CDC34: variants seen among roughly 807,000 people sequenced by gnomAD.
The protein encoded by CDC34 is cell division cycle 34, ubiquitin conjugating enzyme.
In CDC34, 18 loss-of-function variants were observed where a neutral mutation model predicts 26.8. The ratio of observed to expected loss-of-function variants is 0.67; its 90% confidence interval spans 0.47 to 1.00. CDC34 has a LOEUF of 1.00. Among genes scored for constraint, CDC34 ranks in the 50% least tolerant of loss-of-function variants. The pLI, the probability that CDC34 is intolerant of heterozygous loss-of-function variation, is 0.00. For synonymous variants in CDC34, 178 were observed against 147.5 expected (o/e 1.21, Z -1.50); for missense variants, 280 against 334.5 (o/e 0.84, Z 1.27).
At chr19:532,558 G>C (rs1238664401) in intron 1 of CDC34, among the ~76,000 whole-genome samples, 1 of 152,170 alleles carries the variant, frequency 6.6e-6, no homozygotes, top group African/African-American at 2.4e-5. Flanking sequence ...CCCCGGAGGA[G>C]ACAAAGAGGC....
chr19:540,713 G>A (rs1600431239), intron 4 of CDC34, among the ~76,000 whole-genome samples: 1 of 106,086 alleles, frequency 9.4e-6, no homozygotes, highest in African/African-American at 3.4e-5. Flanking sequence ...TCCGGAGGCC[G>A]GGGTGGCCAG....
chr19:541,045 T>C (rs961337963), intron 4 of CDC34, among the ~76,000 whole-genome samples: 2 of 152,208 alleles, frequency 1.3e-5, no homozygotes, highest in Non-Finnish European at 2.9e-5. Context: ...ATCGTTATTT[T>C]CTCCCAGCTC....
chr19:532,133 G>T, intron 1 of CDC34, 25 bp downstream of exon 1: 3 of 1,475,510 alleles, frequency 2.0e-6, no homozygotes, highest in Non-Finnish European at 1.8e-6. Context: ...CCCCGCCCGG[G>T]TCCCGGAGCC....
In CDC34 at chr19:541,900, T is replaced by G. The variant is rs958234748; in HGVS notation, c.*348T>G. On this transcript the variant is annotated 3_prime_UTR_variant, in exon 5 of 5. Transcript: ENST00000215574. ...AGCCACGGGGGCGCTGCTGGGAACG[T>G]GGGCGGGGGGCCGTTTCCTGACACT... 6.7e-5 allele frequency: 12 copies of G among 178,352 alleles called. No homozygotes were observed. Among genetic ancestry groups the G allele is most frequent in the African/African-American group, 2.4e-4 (10 of 42,320 alleles). The allele number at this position is 178,352 out of a possible 1,614,324, so 11.0% of individuals were successfully genotyped here. A position where few individuals can be genotyped will look rare whatever the true frequency, so the allele number is the denominator to read the frequency against.
intron 1 of CDC34, among the ~76,000 whole-genome samples, chr19:533,640 G>C (rs1039403406): frequency 6.6e-6 from 1 of 152,270 alleles, no homozygotes; most frequent in Non-Finnish European, 1.5e-5. Flanking sequence ...TGTTCTGGAA[G>C]GAGGGGATGG....
chr19:536,050 G>T, intron 2 of CDC34, 127 bp downstream of exon 2: 5 of 1,097,144 alleles, frequency 4.6e-6, no homozygotes, highest in Non-Finnish European at 5.5e-6. Flanking sequence ...CCGGGACCCG[G>T]GGCGCTGGGA....
intron 1 of CDC34, among the ~76,000 whole-genome samples, chr19:535,283 C>T (rs1375974582): frequency 6.6e-6 from 1 of 152,274 alleles, no homozygotes; most frequent in African/African-American, 2.4e-5. Context: ...AGACCGGACA[C>T]CTGAGGGCAG....
intron 4 of CDC34, among the ~76,000 whole-genome samples, chr19:537,551 A>G (rs1421352926): frequency 4.0e-5 from 6 of 150,944 alleles, no homozygotes; most frequent in Non-Finnish European, 7.4e-5. Flanking sequence ...ACGGGGTTTC[A>G]GCGTGTTAGC....
At position 541,795 on chromosome 19, in the gene CDC34, C is replaced by T; in HGVS notation, c.*243C>T. 2.8e-6 allele frequency: 1 copy of T among 352,382 alleles called. No individual in the cohort carries two copies. Among genetic ancestry groups the T allele is most frequent in the Non-Finnish European group, 5.1e-6 (1 of 195,882 alleles). 21.8% of individuals were successfully genotyped at this position (352,382 alleles called of 1,614,324 possible). ...CGGGCCCAGGGTGGGAGCGGCCGGC[C>T]CACCTGTCCCCTCGGGAGGGGAGCT... On this transcript the variant is annotated 3_prime_UTR_variant, in exon 5 of 5. Coordinates refer to ENST00000215574, the MANE Select transcript of CDC34 (RefSeq NM_004359.2).
chr19:533,272 C>T (rs1979581172), intron 1 of CDC34, among the ~76,000 whole-genome samples: 1 of 152,188 alleles, frequency 6.6e-6, no homozygotes, highest in East Asian at 1.9e-4. Flanking sequence ...GGACACGACA[C>T]GACACTGCAG....
intron 3 of CDC34, 57 bp downstream of exon 3, chr19:536,397 C>T: frequency 3.8e-6 from 5 of 1,300,306 alleles, no homozygotes; most frequent in South Asian, 2.6e-5. Context: ...CGGGCTCCGT[C>T]CCGTATCCAC....
intron 1 of CDC34, among the ~76,000 whole-genome samples, chr19:533,483 G>T (rs1056454688): frequency 5.9e-5 from 9 of 152,268 alleles, no homozygotes; most frequent in African/African-American, 2.2e-4. Flanking sequence ...CTGGAATCCT[G>T]CGTCCCCACA....
chr19:538,292 G>A (rs16990585), intron 4 of CDC34, among the ~76,000 whole-genome samples: 42 of 152,300 alleles, frequency 2.8e-4, no homozygotes, highest in Admixed American at 2.6e-3. Flanking sequence ...GTCGCCTACC[G>A]GCGCCTTCTG....
intron 4 of CDC34, chr19:538,968 T>C: frequency 1.0e-6 from 1 of 985,260 alleles, no homozygotes. Context: ...CCCGGCCACC[T>C]CCCTGAGGCA....
chr19:541,170 T>G, intron 4 of CDC34, 169 bp from the exon 5 acceptor site: 2 of 851,276 alleles, frequency 2.3e-6, no homozygotes, highest in Non-Finnish European at 3.4e-6. Flanking sequence ...CCTCTGTCAT[T>G]TCTCCCCCTG....
chr19:535,232 C>T lies in CDC34; in HGVS notation c.178-605C>T, dbSNP rs561463145. ...GATGCTGACAGGGAAGGAGTCCTGC[C>T]AGGTTTCTGTGACCTATGGGTCTGC... On this transcript the variant is annotated intron_variant, in intron 1 of 4. Transcript: ENST00000215574. 1.6e-4 allele frequency among the ~76,000 whole-genome samples: 24 copies of T among 152,346 alleles called. No individual in the cohort carries two copies. The East Asian group carries it at 4.2e-3, about 27-fold the overall frequency.
intron 4 of CDC34, chr19:538,942 C>G (rs773376476): frequency 6.1e-6 from 6 of 985,240 alleles, no homozygotes; most frequent in Non-Finnish European, 7.2e-6. Context: ...GTGGCTGGCT[C>G]CTTGGCCCGG....
intron 4 of CDC34, among the ~76,000 whole-genome samples, chr19:539,221 C>T (rs1301872949): frequency 1.3e-5 from 2 of 152,168 alleles, no homozygotes; most frequent in East Asian, 1.9e-4. Context: ...ACCTCCAGAC[C>T]GTCCTCCAGC....
intron 4 of CDC34, 66 bp from the exon 5 acceptor site, chr19:541,272 GA>G (rs2145853634): frequency 6.8e-7 from 1 of 1,461,190 alleles, no homozygotes; most frequent in Non-Finnish European, 9.0e-7. Flanking sequence ...GGACCTGGGG[GA>G]GGGGGGCCGG....
Sources: gnomAD v4.1 joint callset for allele counts (sites outside exome capture counted in the v4.1 genomes callset) on GRCh38, gnomAD v4.1.1 for gene constraint, MANE v1.5 for transcripts, NCBI Gene and HGNC (gene_info 2026-07-23, HGNC 2026-07-21) for gene names.